ADAM12: variants seen among roughly 807,000 people sequenced by gnomAD.
ADAM12 encodes ADAM metallopeptidase domain 12.
ADAM12 carries 70 observed loss-of-function variants against 106.4 expected under a neutral mutation model. The observed-to-expected ratio is 0.66, with a 90% confidence interval of 0.54 to 0.80. The LOEUF (loss-of-function observed/expected upper bound fraction) is 0.80. Among genes scored for constraint, ADAM12 ranks in the 30% least tolerant of loss-of-function variants. The pLI is 0.00. For synonymous variants in ADAM12, 420 were observed against 433.5 expected, an observed-to-expected ratio of 0.97 and a Z score of 0.39; for missense variants, 1,010 against 1,171.9, an observed-to-expected ratio of 0.86 and a Z score of 2.02.
intron 5 of ADAM12, among the ~76,000 whole-genome samples, chr10:126,124,087 G>A (rs952944793): frequency 6.6e-6 from 1 of 152,148 alleles, no homozygotes; most frequent in Non-Finnish European, 1.5e-5. Flanking sequence ...GTCTGATCCT[G>A]ATTTTTTTGA....
In ADAM12 at chr10:126,049,661, G is replaced by T; in HGVS notation, c.1618C>A (p.Pro540Thr). ...CTCTCAAAGCAGATCCCAGGGGCAG[G>T]TTTAGCACCTGAAACAGAAGCAGAA... ...CVTLWGPGAK[P>T]APGICFERVN... is the part of the protein sequence containing the mutation. Residue 540 changes from proline (P) to threonine (T), a missense_variant, in exon 15 of 23, where the codon CCT becomes ACT. Around this residue, in one of 3 missense-constraint regions of ADAM12, gnomAD observed 615 missense variants for 708.5 expected, o/e 0.87. Coordinates refer to ENST00000448723, the MANE Select transcript of ADAM12 (RefSeq NM_001288973.2). This position sits in a 1 kb window ranked among gnomAD's most constrained non-coding sequence, Gnocchi z 4.4. 2 of 1,613,956 alleles carry T rather than the reference G, an allele frequency of 1.2e-6. No homozygotes were observed. Among genetic ancestry groups the T allele is most frequent in the South Asian group, 1.1e-5 (1 of 91,062 alleles).
chr10:126,241,869 T>C (rs1455934279), intron 3 of ADAM12, among the ~76,000 whole-genome samples: 1 of 152,190 alleles, frequency 6.6e-6, no homozygotes, highest in Non-Finnish European at 1.5e-5. Context: ...ATTTTATAAA[T>C]TAGTACATTT....
chr10:126,175,129 G>A (rs998210988), intron 3 of ADAM12, among the ~76,000 whole-genome samples: 1 of 152,158 alleles, frequency 6.6e-6, no homozygotes, highest in Non-Finnish European at 1.5e-5. Context: ...AGAATCCTGC[G>A]AGAAGAGCCA....
At chr10:126,017,410 G>C (rs770816000) in intron 22 of ADAM12, 71 bp from the exon 23 acceptor site, 107 of 1,406,540 alleles carry the variant, frequency 7.6e-5, no homozygotes, top group Non-Finnish European at 9.7e-5. Flanking sequence ...GAGAGGTCTG[G>C]GGTTGGAGAT....
At chr10:126,358,079 G>A (rs1938365075) in intron 1 of ADAM12, among the ~76,000 whole-genome samples, 1 of 151,876 alleles carries the variant, frequency 6.6e-6, no homozygotes, top group African/African-American at 2.4e-5. Context: ...TCAGGAGGCT[G>A]AGGCAGGAGA....
chr10:126,338,640 G>C (rs187265785), intron 1 of ADAM12, among the ~76,000 whole-genome samples: 2 of 152,248 alleles, frequency 1.3e-5, no homozygotes, highest in East Asian at 3.9e-4. Context: ...AGTTGTATAG[G>C]TTTTTCTCAA....
chr10:126,225,815 A>G (rs1333300203), intron 3 of ADAM12, among the ~76,000 whole-genome samples: 1 of 152,192 alleles, frequency 6.6e-6, no homozygotes, highest in African/African-American at 2.4e-5. Flanking sequence ...CTGGAACTGC[A>G]ACTGGGAATT....
intron 3 of ADAM12, among the ~76,000 whole-genome samples, chr10:126,264,716 C>T (rs886623857): frequency 2.6e-5 from 4 of 152,032 alleles, no homozygotes; most frequent in Admixed American, 6.5e-5. Flanking sequence ...GTGAATGAAA[C>T]GTTGTTTTTT....
At chr10:126,216,344 C>T (rs1004861656) in intron 3 of ADAM12, among the ~76,000 whole-genome samples, 9 of 152,208 alleles carry the variant, frequency 5.9e-5, no homozygotes, top group Admixed American at 2.6e-4. Flanking sequence ...AAGCCCACTT[C>T]GAACTTCAAA....
At chr10:126,205,746 C>T (rs911878230) in intron 3 of ADAM12, among the ~76,000 whole-genome samples, 1 of 152,250 alleles carries the variant, frequency 6.6e-6, no homozygotes, top group East Asian at 1.9e-4. Flanking sequence ...TCTGCCCTTC[C>T]ATTACTCATG....
intron 1 of ADAM12, among the ~76,000 whole-genome samples, chr10:126,333,930 T>G (rs1274613238): frequency 1.4e-4 from 21 of 152,196 alleles, no homozygotes; most frequent in Admixed American, 1.4e-3. Flanking sequence ...ACTGCACAAT[T>G]TGCTGAGTAC....
chr10:126,266,235 G>A (rs978053367), intron 3 of ADAM12, among the ~76,000 whole-genome samples: 1 of 152,156 alleles, frequency 6.6e-6, no homozygotes, highest in African/African-American at 2.4e-5. Context: ...GTGACTTGGG[G>A]GCCCTCCCAT....
intron 2 of ADAM12, among the ~76,000 whole-genome samples, chr10:126,308,438 A>T (rs189923222): frequency 1.2e-4 from 19 of 152,322 alleles, no homozygotes; most frequent in Non-Finnish European, 1.8e-4. Context: ...GATGCCAGAA[A>T]TTATATGTAA....
At chr10:126,058,367 C>G (rs1302999948) in intron 14 of ADAM12, among the ~76,000 whole-genome samples, 2 of 152,238 alleles carry the variant, frequency 1.3e-5, no homozygotes, top group Admixed American at 6.5e-5. Flanking sequence ...GCAAACACAG[C>G]AGCCTGGGTA....
intron 3 of ADAM12, among the ~76,000 whole-genome samples, chr10:126,156,144 A>G (rs1676726): frequency 0.79 from 119,471 of 152,098 alleles, 47,514 homozygotes; most frequent in East Asian, 0.92. Context: ...ACAAAGACAA[A>G]TAGGAACAGC....
intron 6 of ADAM12, among the ~76,000 whole-genome samples, chr10:126,115,895 C>T (rs530080865): frequency 7.2e-5 from 11 of 152,194 alleles, no homozygotes; most frequent in Non-Finnish European, 1.5e-4. Context: ...AATTATTTTT[C>T]GCACCATTTT....
At chr10:126,297,526 G>A (rs1391601681) in intron 2 of ADAM12, among the ~76,000 whole-genome samples, 1 of 152,192 alleles carries the variant, frequency 6.6e-6, no homozygotes. Context: ...CTCCAGCCTG[G>A]GTGAGGGAGC....
At chr10:126,229,851 A>T (rs2133866869) in intron 3 of ADAM12, among the ~76,000 whole-genome samples, 1 of 152,102 alleles carries the variant, frequency 6.6e-6, no homozygotes, top group South Asian at 2.1e-4. Context: ...TCTCTTACTG[A>T]TGTCATGCTT....
chr10:126,042,913 G>T, intron 18 of ADAM12, 127 bp downstream of exon 18: 1 of 833,734 alleles, frequency 1.2e-6, no homozygotes, highest in Non-Finnish European at 1.9e-6. Context: ...CCTAGGCTGT[G>T]TAGACCCATG....
Sources: allele counts gnomAD v4.1 joint callset (sites outside exome capture counted in the v4.1 genomes callset), GRCh38; gene constraint gnomAD v4.1.1; regional missense constraint gnomAD v4.1.1; non-coding constraint Gnocchi (gnomAD v3.1); transcripts MANE v1.5; gene names NCBI Gene and HGNC (gene_info 2026-07-23, HGNC 2026-07-21).